The following EXOC6 variants were observed in gnomAD, a reference collection of about 807,000 sequenced individuals.
EXOC6 encodes SEC15-like 1.
In EXOC6, 60 loss-of-function variants were observed where a neutral mutation model predicts 112.5. That is an observed-to-expected ratio of 0.53 (90% CI 0.43 to 0.66). The LOEUF (loss-of-function observed/expected upper bound fraction) is 0.66, where lower values mean the gene tolerates loss of function less well. EXOC6 is among the 30% of genes least tolerant of loss of function. EXOC6 has a pLI of 0.00. For synonymous variants in EXOC6, 295 were observed against 308.0 expected (o/e 0.96, Z 0.44); for missense variants, 855 against 957.1 (o/e 0.89, Z 1.41).
chr10:92,976,684 A>G (rs1315046342), intron 18 of EXOC6, among the ~76,000 whole-genome samples: 1 of 152,040 alleles, frequency 6.6e-6, no homozygotes, highest in East Asian at 1.9e-4. Context: ...AAATTAAAAA[A>G]AAAAAAACAT....
chr10:92,960,858 GTTTA>G (rs1254724357), intron 17 of EXOC6, among the ~76,000 whole-genome samples: 3 of 152,058 alleles, frequency 2.0e-5, no homozygotes, highest in Admixed American at 6.6e-5. Flanking sequence ...TGTAGCTGTA[GTTTA>G]TTTATTTTGA....
chr10:92,883,860 A>G (rs1227336308), intron 1 of EXOC6, among the ~76,000 whole-genome samples: 1 of 152,110 alleles, frequency 6.6e-6, no homozygotes, highest in Non-Finnish European at 1.5e-5. Flanking sequence ...GTCAGGGGTA[A>G]AAGAGTTAAG....
chr10:92,909,957 C>A (rs1475908326), intron 6 of EXOC6, among the ~76,000 whole-genome samples: 3 of 152,196 alleles, frequency 2.0e-5, no homozygotes, highest in Admixed American at 2.0e-4. Flanking sequence ...GCCCCAGAGG[C>A]AAGTGGGAGC....
At chr10:92,902,004 CT>C (rs1413904068) in intron 5 of EXOC6, among the ~76,000 whole-genome samples, 1 of 131,340 alleles carries the variant, frequency 7.6e-6, no homozygotes, top group Non-Finnish European at 1.6e-5. Context: ...CAGCAAAACC[CT>C]GTCTCAAAGA....
Position 92,928,351 on chromosome 10 carries a change from A to G in EXOC6, c.901A>G (p.Thr301Ala), listed in dbSNP as rs1347083917. The stretch of plus-strand genomic sequence containing the variant: ...GATTTTATTTTAGGGTGACGAGGAA[A>G]CATTTGAAAACTATTATCGAAAACA... ...HIYSVLGDEETFENYYRKQRK... is the reference protein window; with the variant it reads ...HIYSVLGDEEAFENYYRKQRK... Residue 301 changes from threonine (T) to alanine (A), a missense_variant, in exon 9 of 22, where the codon ACA becomes GCA. This residue lies in a region of EXOC6 where 405 missense variants were observed against 393.6 expected (regional missense o/e 1.03). Transcript: ENST00000260762. The G allele has an allele frequency of 6.2e-6, 10 of 1,606,780 alleles. No homozygotes were observed. The highest frequency in any genetic ancestry group is 1.7e-4 in the Middle Eastern group (1 of 6,044).
At chr10:93,008,557 G>A (rs1051445953) in intron 19 of EXOC6, among the ~76,000 whole-genome samples, 1 of 152,052 alleles carries the variant, frequency 6.6e-6, no homozygotes, top group African/African-American at 2.4e-5. Flanking sequence ...GAATCTGAAT[G>A]AGCCAAAAAG....
chr10:93,005,189 A>G (rs562568830), intron 19 of EXOC6, among the ~76,000 whole-genome samples: 1 of 152,212 alleles, frequency 6.6e-6, no homozygotes, highest in Non-Finnish European at 1.5e-5. Flanking sequence ...GGTAGGATCT[A>G]TGTATGAATA....
chr10:92,840,667 CT>C (rs572526057), intron 1 of EXOC6, among the ~76,000 whole-genome samples: 3,750 of 143,792 alleles, frequency 0.026, 109 homozygotes, highest in Non-Finnish European at 0.028. Flanking sequence ...GAGTGTAGAA[CT>C]TTTTTTTTTT....
chr10:92,961,533 G>T (rs1218055374), intron 17 of EXOC6, among the ~76,000 whole-genome samples: 1 of 152,040 alleles, frequency 6.6e-6, no homozygotes, highest in Non-Finnish European at 1.5e-5. Context: ...GTAATTGTAG[G>T]TCCCTTCGTA....
chr10:92,873,311 C>G (rs749624553), intron 1 of EXOC6, among the ~76,000 whole-genome samples: 8 of 152,250 alleles, frequency 5.3e-5, no homozygotes, highest in Admixed American at 3.3e-4. Context: ...TTCAAAATTA[C>G]AGTGAGTATT....
At chr10:92,866,199 T>C (rs942747042) in intron 1 of EXOC6, among the ~76,000 whole-genome samples, 2 of 152,212 alleles carry the variant, frequency 1.3e-5, no homozygotes, top group African/African-American at 4.8e-5. Flanking sequence ...TGATTTTAAA[T>C]TTTTAATCCA....
At chr10:92,983,043 ATTCT>A (rs1398724976) in intron 18 of EXOC6, among the ~76,000 whole-genome samples, 2 of 152,240 alleles carry the variant, frequency 1.3e-5, no homozygotes, top group African/African-American at 4.8e-5. Context: ...CTCCTTAAGA[ATTCT>A]TTCTGAGAAT....
At chr10:92,853,793 A>G (rs897394593) in intron 1 of EXOC6, among the ~76,000 whole-genome samples, 7 of 152,324 alleles carry the variant, frequency 4.6e-5, no homozygotes, top group Admixed American at 6.5e-5. Context: ...ACTAGAAAAC[A>G]TAGGAGGAAA....
At chr10:92,958,549 A>G (rs368426938) in intron 17 of EXOC6, among the ~76,000 whole-genome samples, 1 of 152,190 alleles carries the variant, frequency 6.6e-6, no homozygotes, top group Non-Finnish European at 1.5e-5. Flanking sequence ...CTGAAGTGAC[A>G]GTAGTAAATT....
At chr10:92,862,913 A>G (rs1781938443) in intron 1 of EXOC6, among the ~76,000 whole-genome samples, 1 of 152,182 alleles carries the variant, frequency 6.6e-6, no homozygotes, top group South Asian at 2.1e-4. Context: ...GTCATATGGT[A>G]ATTCTGTATT....
rs576714107 is a variant in EXOC6, at chr10:92,936,455, G to A, written c.1212+570G>A. Among the ~76,000 whole-genome samples the A allele has an allele frequency of 4.6e-5, 7 of 152,324 alleles. No individual in the cohort carries two copies. In the South Asian group the frequency reaches 1.5e-3, roughly 32 times the overall value. On this transcript the variant is annotated intron_variant, in intron 12 of 21. Coordinates refer to ENST00000260762, the MANE Select transcript of EXOC6 (RefSeq NM_019053.6). ...TTCTGGTTTTCCATGTGTTCTATGA[G>A]CAAATCACTTTACTTTTTTGAGTTG...
intron 5 of EXOC6, among the ~76,000 whole-genome samples, chr10:92,907,239 T>C (rs952130765): frequency 3.9e-5 from 6 of 152,274 alleles, no homozygotes; most frequent in African/African-American, 7.2e-5. Context: ...GGGTGAGTTA[T>C]TGAGTTATTT....
At chr10:92,860,196 A>G (rs1472030606) in intron 1 of EXOC6, among the ~76,000 whole-genome samples, 1 of 151,682 alleles carries the variant, frequency 6.6e-6, no homozygotes, top group Non-Finnish European at 1.5e-5. Context: ...AATAATTTCT[A>G]CATATAAAGT....
At chr10:92,921,245 C>CTT (rs11443044) in intron 8 of EXOC6, among the ~76,000 whole-genome samples, 1,918 of 115,760 alleles carry the variant, frequency 0.017, 119 homozygotes, top group African/African-American at 0.053. Flanking sequence ...TTGTCATTTC[C>CTT]TTTTTTTTTT....
Sources: allele counts gnomAD v4.1 joint callset (sites outside exome capture counted in the v4.1 genomes callset), GRCh38; gene constraint gnomAD v4.1.1; regional missense constraint gnomAD v4.1.1; transcripts MANE v1.5; gene names NCBI Gene and HGNC (gene_info 2026-07-23, HGNC 2026-07-21).